Variants in BTF3L4 observed in about 807,000 individuals in gnomAD.
BTF3L4 encodes basic transcription factor 3 like 4.
In BTF3L4, 6 loss-of-function variants were observed where a neutral mutation model predicts 16.8. The ratio of observed to expected loss-of-function variants is 0.36; its 90% confidence interval spans 0.20 to 0.71. BTF3L4 has a LOEUF of 0.71. Ranked by LOEUF, BTF3L4 falls within the 30% of genes least tolerant of loss-of-function variation. BTF3L4 has a pLI of 0.58. For synonymous variants in BTF3L4, 39 were observed against 59.8 expected, an observed-to-expected ratio of 0.65 and a Z score of 1.60; for missense variants, 92 against 186.9, an observed-to-expected ratio of 0.49 and a Z score of 2.96.
rs1453546448 is a variant in BTF3L4, at chr1:52,087,959, C to T, written c.*1201C>T. The T allele has an allele frequency of 6.6e-6, 1 of 152,544 alleles. No homozygotes were observed. The highest frequency in any genetic ancestry group is 1.5e-5 in the Non-Finnish European group (1 of 68,024). 9.4% of individuals were successfully genotyped at this position (152,544 alleles called of 1,614,324 possible). A position where few individuals can be genotyped will look rare whatever the true frequency, so the allele number is the denominator to read the frequency against. ...ACCCTCCTGCATGCTTAGAATAATG[C>T]TTTGAGGGGAGCACTGGTAAAACAC... On this transcript the variant is annotated 3_prime_UTR_variant, in exon 6 of 6. Coordinates refer to ENST00000313334, the MANE Select transcript of BTF3L4 (RefSeq NM_152265.5).
intron 2 of BTF3L4, among the ~76,000 whole-genome samples, chr1:52,063,460 A>C (rs966546694): frequency 6.6e-6 from 1 of 151,416 alleles, no homozygotes; most frequent in Non-Finnish European, 1.5e-5. Context: ...TCTCTCCTCC[A>C]CTCCCACCGG....
chr1:52,056,823 A>G (rs1176163183), intron 1 of BTF3L4, among the ~76,000 whole-genome samples: 1 of 151,954 alleles, frequency 6.6e-6, no homozygotes, highest in Non-Finnish European at 1.5e-5. Context: ...CAGTTACAGC[A>G]CTCTTCACCT....
Position 52,066,613 on chromosome 1 carries a change from G to T in BTF3L4, c.168+1675G>T, listed in dbSNP as rs527254507. Among the ~76,000 whole-genome samples, 19 of 151,528 alleles carry T rather than the reference G, an allele frequency of 1.3e-4. No homozygotes were observed. In the South Asian group the frequency reaches 3.3e-3, roughly 27 times the overall value. On this transcript the variant is annotated intron_variant, in intron 3 of 5. Coordinates refer to ENST00000313334, the MANE Select transcript of BTF3L4 (RefSeq NM_152265.5). ...AATCCCAGCACTTTGGGAGGCCGAG[G>T]CGGGTGGATCACGAGGTCAGGGGAT...
rs893389810 is a variant in BTF3L4 at position 52,087,821 on chromosome 1, A to G, written c.*1063A>G. ...GCCATAGACTCATCTCCCAGCACAA[A>G]TGGGCATTCTATGAAATGGTACTGG... On this transcript the variant is annotated 3_prime_UTR_variant, in exon 6 of 6. Transcript: ENST00000313334. The G allele has an allele frequency of 6.6e-6, 1 of 152,614 alleles. No individual in the cohort carries two copies. Among genetic ancestry groups the G allele is most frequent in the South Asian group, 2.1e-4 (1 of 4,838 alleles). The allele number at this position is 152,614 out of a possible 1,614,324, so 9.5% of individuals were successfully genotyped here. A position where few individuals can be genotyped will look rare whatever the true frequency, so the allele number is the denominator to read the frequency against.
intron 3 of BTF3L4, among the ~76,000 whole-genome samples, chr1:52,077,506 C>T (rs780430592): frequency 3.3e-5 from 5 of 152,030 alleles, no homozygotes; most frequent in African/African-American, 4.8e-5. Context: ...TGAAGTGAGC[C>T]GAGATTGCGC....
At chr1:52,074,552 G>C (rs941740314) in intron 3 of BTF3L4, among the ~76,000 whole-genome samples, 2 of 152,056 alleles carry the variant, frequency 1.3e-5, no homozygotes, top group Non-Finnish European at 2.9e-5. Flanking sequence ...TAGTAGAGAC[G>C]GGTTTCTCCA....
chr1:52,057,067 C>T (rs1464049605), intron 1 of BTF3L4, among the ~76,000 whole-genome samples: 2 of 152,102 alleles, frequency 1.3e-5, no homozygotes, highest in African/African-American at 4.8e-5. Flanking sequence ...ATGTTTTAAC[C>T]CTCAAAACAA....
At chr1:52,061,581 C>A (rs1482052237) in intron 2 of BTF3L4, among the ~76,000 whole-genome samples, 1 of 148,934 alleles carries the variant, frequency 6.7e-6, no homozygotes, top group Non-Finnish European at 1.5e-5. Flanking sequence ...ACATATGGTG[C>A]TAAGATAACA....
At chr1:52,086,529 C>T in intron 5 of BTF3L4, 183 bp from the exon 6 acceptor site, 1 of 529,920 alleles carries the variant, frequency 1.9e-6, no homozygotes, top group Non-Finnish European at 3.4e-6. Flanking sequence ...GATTACTGTC[C>T]TAAGCAAATA....
intron 3 of BTF3L4, among the ~76,000 whole-genome samples, chr1:52,076,453 T>C (rs1346125982): frequency 6.6e-6 from 1 of 151,748 alleles, no homozygotes; most frequent in East Asian, 1.9e-4. Context: ...GGCGCGTGAC[T>C]CTAATCCCAG....
intron 2 of BTF3L4, among the ~76,000 whole-genome samples, chr1:52,063,420 C>T (rs1466978370): frequency 6.6e-6 from 1 of 152,146 alleles, no homozygotes; most frequent in African/African-American, 2.4e-5. Context: ...CCTTCAGCAA[C>T]TAGATTTCAA....
chr1:52,083,578 C>T lies in BTF3L4; in HGVS notation c.370+37C>T, dbSNP rs747295467. ...AATTTAGTAAATCTTTCTCTCCCCA[C>T]CTTACTTAAAGAACCTAATCATTTA... On this transcript the variant is annotated intron_variant, in intron 4 of 5. Transcript: ENST00000313334. The T allele has an allele frequency of 3.3e-6, 5 of 1,525,108 alleles. No individual in the cohort carries two copies. In the Admixed American group the frequency reaches 8.6e-5, roughly 26 times the overall value. 94.5% of individuals were successfully genotyped at this position (1,525,108 alleles called of 1,614,324 possible). A position where few individuals can be genotyped will look rare whatever the true frequency, so the allele number is the denominator to read the frequency against.
chr1:52,063,164 G>A (rs1452295656), intron 2 of BTF3L4, among the ~76,000 whole-genome samples: 1 of 152,156 alleles, frequency 6.6e-6, no homozygotes, highest in Non-Finnish European at 1.5e-5. Flanking sequence ...ATGGGATATG[G>A]GGGGTAAAGG....
At chr1:52,070,828 G>GT (rs1232777310) in intron 3 of BTF3L4, among the ~76,000 whole-genome samples, 6 of 151,836 alleles carry the variant, frequency 4.0e-5, no homozygotes, top group Admixed American at 3.9e-4. Flanking sequence ...TAGAGACGGG[G>GT]TTTCACCACA....
chr1:52,083,312 A>G, intron 3 of BTF3L4, 28 bp from the exon 4 acceptor site: 2 of 1,557,862 alleles, frequency 1.3e-6, no homozygotes. Flanking sequence ...TAGCATGTGA[A>G]GTACATTTTT....
intron 3 of BTF3L4, among the ~76,000 whole-genome samples, chr1:52,069,599 T>C (rs1410100588): frequency 6.6e-6 from 1 of 152,216 alleles, no homozygotes; most frequent in Non-Finnish European, 1.5e-5. Flanking sequence ...TTTTGAGTTT[T>C]GGCAGTTTAA....
At chr1:52,079,515 C>G (rs907071952) in intron 3 of BTF3L4, among the ~76,000 whole-genome samples, 1 of 152,140 alleles carries the variant, frequency 6.6e-6, no homozygotes, top group Non-Finnish European at 1.5e-5. Flanking sequence ...TTAGACCACT[C>G]CATTTAAAAC....
intron 3 of BTF3L4, among the ~76,000 whole-genome samples, chr1:52,081,008 T>G (rs1452648878): frequency 6.6e-6 from 1 of 151,612 alleles, no homozygotes; most frequent in Non-Finnish European, 1.5e-5. Context: ...CCCAGCTAAT[T>G]TTTGTATTTT....
At chr1:52,085,094 C>T (rs369874995) in intron 4 of BTF3L4, among the ~76,000 whole-genome samples, 60 of 130,566 alleles carry the variant, frequency 4.6e-4, no homozygotes, top group African/African-American at 1.6e-3. Flanking sequence ...GATCTTGGCT[C>T]ACTGCAACCT....
Sources: gnomAD v4.1 joint callset for allele counts (sites outside exome capture counted in the v4.1 genomes callset) on GRCh38, gnomAD v4.1.1 for gene constraint, MANE v1.5 for transcripts, NCBI Gene and HGNC (gene_info 2026-07-23, HGNC 2026-07-21) for gene names.